The following ACP6 variants were observed in gnomAD, a reference collection of about 807,000 sequenced individuals.
ACP6 encodes the protein lysophosphatidic acid phosphatase type 6.
In ACP6, 48 loss-of-function variants were observed where a neutral mutation model predicts 48.1. The ratio of observed to expected loss-of-function variants is 1.00; its 90% CI spans 0.79 to 1.27. The LOEUF (loss-of-function observed/expected upper bound fraction) is 1.27, where lower values mean the gene tolerates loss of function less well. Ranked by LOEUF, ACP6 falls within the 50% of genes most tolerant of loss-of-function variation. The probability of loss-of-function intolerance (pLI) is 0.00; values close to 1 mark genes in which losing one functional copy is unlikely to be tolerated. For synonymous variants in ACP6, 172 were observed against 204.2 expected, an observed-to-expected ratio of 0.84 and a Z score of 1.34; for missense variants, 485 against 529.1, an observed-to-expected ratio of 0.92 and a Z score of 0.82.
At chr1:147,629,687 AAAGCAAT>A (rs1350875289) in exon 6 of ACP6, 1 of 152,250 alleles carries the variant, frequency 6.6e-6, no homozygotes, top group African/African-American at 2.4e-5. Flanking sequence ...TAACACATTT[AAAGCAAT>A]AAGTATATAA....
intron 7 of ACP6, 58 bp downstream of exon 7, chr1:147,652,391 C>T (rs1389213658): frequency 6.5e-7 from 1 of 1,532,356 alleles, no homozygotes; most frequent in East Asian, 2.3e-5. Context: ...CTCCTCTTCC[C>T]CATACACTTG....
At chr1:147,651,554 C>T (rs1659919533) in intron 7 of ACP6, 1 of 151,940 alleles carries the variant, frequency 6.6e-6, no homozygotes, top group Non-Finnish European at 1.5e-5. Context: ...GGTATGGTGG[C>T]ACCCCTTCAC....
At chr1:147,639,622 G>C (rs1659397572), downstream of ACP6, among the ~76,000 whole-genome samples, 2 of 152,166 alleles carry the variant, frequency 1.3e-5, no homozygotes, top group Non-Finnish European at 2.9e-5. Context: ...TCCCAGGCTG[G>C]GTCCTGGCAA....
chr1:147,657,286 A>T (rs1367016235), intron 4 of ACP6, among the ~76,000 whole-genome samples: 44 of 152,200 alleles, frequency 2.9e-4, no homozygotes, highest in Admixed American at 2.8e-3. Flanking sequence ...GCAGACCAAC[A>T]ATCTCCAGCT....
intron 1 of ACP6, among the ~76,000 whole-genome samples, chr1:147,664,679 T>C (rs587698867): frequency 1.3e-5 from 2 of 152,332 alleles, no homozygotes; most frequent in East Asian, 3.9e-4. Context: ...TGCCAGCTCC[T>C]GTGGAAGATA....
chr1:147,630,320 G>A (rs1047662337), exon 6 of ACP6: 6 of 152,294 alleles, frequency 3.9e-5, no homozygotes, highest in African/African-American at 1.2e-4. Context: ...CCATTCTCCA[G>A]AGGCTGGAGC....
rs1553209091 is a variant in ACP6 at position 147,643,547 on chromosome 1, A to C, written c.*3876T>G. ...TAGCCACGCAAATGTCTAGGAGAGC[A>C]TTCCAGGCACAGGAACAACAGGTGC... On this transcript the variant is annotated 3_prime_UTR_variant, in exon 10 of 10. Transcript: ENST00000583509. 6.6e-6 allele frequency: 1 copy of C among 152,230 alleles called. No homozygotes were observed. The highest frequency in any genetic ancestry group is 2.4e-5 in the African/African-American group (1 of 41,442). The allele number at this position is 152,230 out of a possible 1,614,324, so 9.4% of individuals were successfully genotyped here.
At chr1:147,652,171 T>A (rs2148905667) in intron 7 of ACP6, 1 of 379,368 alleles carries the variant, frequency 2.6e-6, no homozygotes, top group East Asian at 4.1e-5. Flanking sequence ...ACCCAAATCC[T>A]TTAAACCTTA....
chr1:147,642,133 C>G (rs1271060402), downstream of ACP6: 1 of 152,152 alleles, frequency 6.6e-6, no homozygotes, highest in Non-Finnish European at 1.5e-5. Flanking sequence ...GAATTTGAAC[C>G]CAGCGAAAGC....
At chr1:147,655,279 A>G (rs782137483) in intron 4 of ACP6, 31 bp from the exon 5 acceptor site, 4 of 1,515,354 alleles carry the variant, frequency 2.6e-6, no homozygotes, top group African/African-American at 2.7e-5. Context: ...ACAGGCAGGC[A>G]GAGGCTTCAG....
At chr1:147,657,136 T>G (rs1289779013) in intron 4 of ACP6, among the ~76,000 whole-genome samples, 2 of 152,328 alleles carry the variant, frequency 1.3e-5, no homozygotes, top group East Asian at 3.9e-4. Flanking sequence ...GACTTAAACT[T>G]ATAACACTAA....
intron 1 of ACP6, among the ~76,000 whole-genome samples, chr1:147,663,294 G>A (rs1660637587): frequency 6.6e-6 from 1 of 152,120 alleles, no homozygotes. Flanking sequence ...TCAGAGGTGG[G>A]GGGGTGCAGT....
At chr1:147,656,431 C>G (rs907048178) in intron 4 of ACP6, among the ~76,000 whole-genome samples, 21 of 152,326 alleles carry the variant, frequency 1.4e-4, no homozygotes, top group African/African-American at 4.8e-4. Flanking sequence ...CCCTCCTTTT[C>G]TGTGCTTCCT....
chr1:147,647,408 G>A lies in ACP6; in HGVS notation c.*15C>T. 2.5e-6 allele frequency: 4 copies of A among 1,613,718 alleles called. No homozygotes were observed. Among genetic ancestry groups the A allele is most frequent in the Non-Finnish European group, 3.4e-6 (4 of 1,179,954 alleles). ...CTTTATTTTAAAATCAACACATCCT[G>A]CTTTTATAAATCAGTTACTCTTCAT... is the stretch of plus-strand genomic sequence containing the variant. On this transcript the variant is annotated 3_prime_UTR_variant, in exon 10 of 10. Coordinates refer to ENST00000583509, the MANE Select transcript of ACP6 (RefSeq NM_016361.5).
chr1:147,659,882 G>A, intron 1 of ACP6, 107 bp from the exon 2 acceptor site: 1 of 1,345,354 alleles, frequency 7.4e-7, no homozygotes, highest in South Asian at 1.4e-5. Context: ...ACTGACACTA[G>A]GCCTGCAACC....
chr1:147,647,591 G>A, intron 9 of ACP6, 25 bp from the exon 10 acceptor site: 4 of 1,605,126 alleles, frequency 2.5e-6, no homozygotes, highest in Non-Finnish European at 3.4e-6. Flanking sequence ...TAACTCAGCA[G>A]GTCCGCCGAG....
In ACP6 at chr1:147,647,221, G is replaced by T; in HGVS notation, c.*202C>A. 1 of 592,470 alleles carries T rather than the reference G, an allele frequency of 1.7e-6. No individual in the cohort carries two copies. The highest frequency in any genetic ancestry group is 3.1e-5 in the East Asian group (1 of 32,086). The allele number at this position is 592,470 out of a possible 1,614,324, so 36.7% of individuals were successfully genotyped here. ...ACCTTAGAAACCAACTCACAAAATAGAGAAATATCCTTTTGGTCTCAATAT... is the reference window on the plus strand; with the variant it reads ...ACCTTAGAAACCAACTCACAAAATATAGAAATATCCTTTTGGTCTCAATAT... On this transcript the variant is annotated 3_prime_UTR_variant, in exon 10 of 10. Coordinates refer to ENST00000583509, the MANE Select transcript of ACP6 (RefSeq NM_016361.5).
intron 5 of ACP6, among the ~76,000 whole-genome samples, chr1:147,654,708 C>T (rs1281701287): frequency 2.0e-5 from 3 of 152,156 alleles, no homozygotes; most frequent in Non-Finnish European, 4.4e-5. Context: ...CAGCCCAAAC[C>T]GATCTATCTT....
intron 5 of ACP6, among the ~76,000 whole-genome samples, chr1:147,654,691 G>C (rs1553211280): frequency 6.6e-6 from 1 of 152,190 alleles, no homozygotes; most frequent in East Asian, 1.9e-4. Flanking sequence ...TACCTGAAAA[G>C]TGTCATCAGC....
Sources: gnomAD v4.1 joint callset for allele counts (sites outside exome capture counted in the v4.1 genomes callset) on GRCh38, gnomAD v4.1.1 for gene constraint, MANE v1.5 for transcripts, NCBI Gene and HGNC (gene_info 2026-07-23, HGNC 2026-07-21) for gene names.